The following RPTOR variants were observed in gnomAD, a reference collection of about 807,000 sequenced individuals.
RPTOR encodes the protein regulatory associated protein of MTOR complex 1.
A neutral mutation model predicts 169.9 loss-of-function variants in RPTOR; 21 were observed. That is an observed-to-expected ratio of 0.12 (90% confidence interval 0.09 to 0.18). RPTOR has a LOEUF of 0.18. Ranked by LOEUF, RPTOR falls within the 10% of genes least tolerant of loss-of-function variation. The pLI is 1.00. For synonymous variants in RPTOR, 732 were observed against 753.2 expected (o/e 0.97, Z 0.46); for missense variants, 1,133 against 1,855.9 (o/e 0.61, Z 7.16).
chr17:80,689,860 A>T (rs2316061), intron 3 of RPTOR, among the ~76,000 whole-genome samples: 1 of 152,064 alleles, frequency 6.6e-6, no homozygotes, highest in Non-Finnish European at 1.5e-5. Flanking sequence ...GATTTTTGGT[A>T]TGTGTACCTT....
At chr17:80,701,201 C>T (rs1229144091) in intron 3 of RPTOR, among the ~76,000 whole-genome samples, 1 of 152,178 alleles carries the variant, frequency 6.6e-6, no homozygotes, top group Non-Finnish European at 1.5e-5. Flanking sequence ...TGCTTCACAT[C>T]TGGGAACAAA....
chr17:80,679,508 A>G (rs1363849870), intron 3 of RPTOR, among the ~76,000 whole-genome samples: 1 of 152,206 alleles, frequency 6.6e-6, no homozygotes, highest in Non-Finnish European at 1.5e-5. Flanking sequence ...ATGCCTTTAC[A>G]GGCCCGTTTG....
intron 4 of RPTOR, among the ~76,000 whole-genome samples, chr17:80,714,934 G>A (rs557223783): frequency 1.8e-4 from 27 of 152,272 alleles, no homozygotes; most frequent in Admixed American, 4.6e-4. Flanking sequence ...TGTTGGCCAG[G>A]CTGGTCTGAA....
chr17:80,958,140 G>A (rs919402879), intron 29 of RPTOR, among the ~76,000 whole-genome samples: 22 of 150,980 alleles, frequency 1.5e-4, no homozygotes, highest in East Asian at 3.9e-4. Context: ...GAGTGCAGTC[G>A]TGCAATCACA....
Position 80,685,627 on chromosome 17 carries a change from A to ATTT in RPTOR, c.349-22186_349-22184dup, listed in dbSNP as rs1165540456. ...CATATATATATATATATATATATATATTTTTTTTTTTTTTTTTTTTTTTTT... is the reference window on the plus strand; with the variant it reads ...CATATATATATATATATATATATATATTTTTTTTTTTTTTTTTTTTTTTTTTTT... On this transcript the variant is annotated intron_variant, in intron 3 of 33. Transcript: ENST00000306801. Among the ~76,000 whole-genome samples the ATTT allele has an allele frequency of 1.2e-3, 37 of 30,662 alleles. 1 individual carries two copies. The highest frequency in any genetic ancestry group is 3.6e-3 in the African/African-American group (21 of 5,826). The allele number at this position is 30,662 out of a possible 152,430, so 20.1% of individuals were successfully genotyped here. A position where few individuals can be genotyped will look rare whatever the true frequency, so the allele number is the denominator to read the frequency against.
rs1198743490 is a variant in RPTOR at position 80,646,692 on chromosome 17, A to G, written c.348+2882A>G. Reference sequence around the variant, plus strand: ...AAAGAGAGGTTGATGTGCCATCTGCAATAAAACAATGGGGGCGTTATTAAA... The same window carrying G: ...AAAGAGAGGTTGATGTGCCATCTGCGATAAAACAATGGGGGCGTTATTAAA... On this transcript the variant is annotated intron_variant, in intron 3 of 33. Coordinates refer to ENST00000306801, the MANE Select transcript of RPTOR (RefSeq NM_020761.3). This position sits in a 1 kb window ranked among gnomAD's most constrained non-coding sequence, Gnocchi z 5.0. Among the ~76,000 whole-genome samples the G allele has an allele frequency of 6.6e-6, 1 of 152,216 alleles. No individual in the cohort carries two copies. The highest frequency in any genetic ancestry group is 6.5e-5 in the Admixed American group (1 of 15,278).
At chr17:80,643,958 T>A in intron 3 of RPTOR, 148 bp downstream of exon 3, 1 of 625,620 alleles carries the variant, frequency 1.6e-6, no homozygotes, top group Admixed American at 3.0e-5. Flanking sequence ...TTCGTGTGCC[T>A]GCGTTCTGCC....
chr17:80,897,922 A>C (rs1407259844), intron 20 of RPTOR, among the ~76,000 whole-genome samples: 7 of 151,856 alleles, frequency 4.6e-5, no homozygotes, highest in African/African-American at 1.7e-4. Context: ...ACAAAACAAA[A>C]CTGGCTCAGG....
At chr17:80,733,247 T>C (rs181438285) in intron 5 of RPTOR, among the ~76,000 whole-genome samples, 199 of 152,334 alleles carry the variant, frequency 1.3e-3, no homozygotes, top group Admixed American at 2.3e-3. Flanking sequence ...GAAAATGACA[T>C]ATCTGTCACT....
Position 80,799,218 on chromosome 17 carries a change from A to C in RPTOR, c.890+7709A>C, listed in dbSNP as rs1357156254. Among the ~76,000 whole-genome samples the C allele has an allele frequency of 1.3e-5, 2 of 152,222 alleles. 1 individual carries two copies. The highest frequency in any genetic ancestry group is 4.1e-4 in the South Asian group (2 of 4,828). ...CAGGCAGAAACAGGCTCTCGTGCTT[A>C]GTCTGATTTCATTTACGTTTTAGCA... On this transcript the variant is annotated intron_variant, in intron 7 of 33. Coordinates refer to ENST00000306801, the MANE Select transcript of RPTOR (RefSeq NM_020761.3).
intron 5 of RPTOR, among the ~76,000 whole-genome samples, chr17:80,740,759 A>T (rs933691833): frequency 6.6e-6 from 1 of 152,232 alleles, no homozygotes; most frequent in Admixed American, 6.5e-5. Context: ...AATAGAGAAG[A>T]ACTTCAATTT....
intron 5 of RPTOR, among the ~76,000 whole-genome samples, chr17:80,737,608 C>G (rs2066444474): frequency 6.6e-5 from 10 of 152,160 alleles, no homozygotes; most frequent in Admixed American, 6.5e-4. Flanking sequence ...TGCATGTGCT[C>G]TGGACACTTT....
chr17:80,568,666 C>A (rs182179902), intron 1 of RPTOR, among the ~76,000 whole-genome samples: 1 of 152,200 alleles, frequency 6.6e-6, no homozygotes, highest in African/African-American at 2.4e-5. Context: ...CTATCTCTCC[C>A]CTTGTTCCTC....
At chr17:80,842,362 C>T (rs1484885539) in intron 10 of RPTOR, among the ~76,000 whole-genome samples, 1 of 151,878 alleles carries the variant, frequency 6.6e-6, no homozygotes, top group Non-Finnish European at 1.5e-5. Context: ...CACCTGCTAG[C>T]ACCAATTCTG....
At chr17:80,883,350 C>T (rs17848641) in intron 14 of RPTOR, 69 bp from the exon 15 acceptor site, 25 of 1,357,708 alleles carry the variant, frequency 1.8e-5, no homozygotes, top group Admixed American at 5.0e-5. Flanking sequence ...GAAAGGATCA[C>T]GCTGTTGTAC....
At chr17:80,743,766 C>CTCCTGGTTACTAGCACTG (rs1567887257) in intron 5 of RPTOR, among the ~76,000 whole-genome samples, 3 of 65,714 alleles carry the variant, frequency 4.6e-5, no homozygotes, top group South Asian at 5.6e-4. Flanking sequence ...TACTAGCACT[C>CTCCTGGTTACTAGCACTG]TCCTGGTTAC....
rs149729634 is a variant in RPTOR at position 80,884,525 on chromosome 17, G to A, written c.1843-483G>A. Among the ~76,000 whole-genome samples the A allele has an allele frequency of 4.0e-3, 605 of 152,334 alleles. 2 individuals are homozygous for A. Among genetic ancestry groups the A allele is most frequent in the Non-Finnish European group, 6.2e-3 (422 of 68,020 alleles). Reference sequence around the variant, plus strand: ...TGACTTCTCCCCAGGACCACATGGTGTCAGAGGCAAGGGCTAAGCCAGGGT... The same window carrying A: ...TGACTTCTCCCCAGGACCACATGGTATCAGAGGCAAGGGCTAAGCCAGGGT... On this transcript the variant is annotated intron_variant, in intron 16 of 33. Transcript: ENST00000306801.
intron 10 of RPTOR, among the ~76,000 whole-genome samples, chr17:80,841,177 CGG>C (rs2067645225): frequency 8.0e-6 from 1 of 125,512 alleles, no homozygotes; most frequent in Non-Finnish European, 1.6e-5. Context: ...TCTCACCGCA[CGG>C]CAGCTCACAC....
In RPTOR at chr17:80,730,540, G is replaced by T; in HGVS notation, c.508-20G>T. The T allele has an allele frequency of 6.2e-7, 1 of 1,610,220 alleles. No homozygotes were observed. The highest frequency in any genetic ancestry group is 8.5e-7 in the Non-Finnish European group (1 of 1,176,666). On this transcript the variant is annotated intron_variant, in intron 4 of 33. Coordinates refer to ENST00000306801, the MANE Select transcript of RPTOR (RefSeq NM_020761.3). This position sits in a 1 kb window ranked among gnomAD's most constrained non-coding sequence, Gnocchi z 4.2. The stretch of plus-strand genomic sequence containing the variant: ...TTCCTGAGACGCACATGTAACGAGC[G>T]CACTTTGTGTGTTTTCTAGAACTAC...
Sources: allele counts gnomAD v4.1 joint callset (sites outside exome capture counted in the v4.1 genomes callset), GRCh38; gene constraint gnomAD v4.1.1; non-coding constraint Gnocchi (gnomAD v3.1); transcripts MANE v1.5; gene names NCBI Gene and HGNC (gene_info 2026-07-23, HGNC 2026-07-21).